UXT: variants seen among roughly 807,000 people sequenced by gnomAD.
UXT encodes the protein protein UXT.
For missense variants in UXT, 111 were observed against 132.7 expected, an observed-to-expected ratio of 0.84 and a Z score of 0.80; for synonymous variants, 54 against 52.8, an observed-to-expected ratio of 1.02 and a Z score of -0.10.
intron 4 of UXT, among the ~76,000 whole-genome samples, chrX:47,655,235 G>T (rs2058080048): frequency 8.9e-6 from 1 of 112,250 alleles, no homozygotes; most frequent in African/African-American, 3.2e-5. Context: ...AGCCAAGATC[G>T]CACCACTGCA....
In UXT at chrX:47,657,907, T is replaced by G. The variant is rs192345307; in HGVS notation, c.135-44A>C. On this transcript the variant is annotated intron_variant, in intron 1 of 5. Coordinates refer to ENST00000335890, the MANE Select transcript of UXT (RefSeq NM_153477.3). ...AATGGTGACCAATAGGCAGCCCCAT[T>G]CCTCCTAGTATACCTCATATCATGA... The G allele has an allele frequency of 2.9e-6, 3 of 1,016,975 alleles. No individual in the cohort carries two copies. The African/African-American group carries it at 5.8e-5, about 20-fold the overall frequency. The allele number at this position is 1,016,975 out of a possible 1,213,427, so 83.8% of individuals were successfully genotyped here.
Position 47,657,859 on chromosome X carries a change from C to T in UXT, c.139G>A (p.Val47Met). Reference sequence around the variant, plus strand: ...TATACCTTGTCTCGATGGTCCAGCACCTTTCTGATGGGACGAAAGTACAAT... The same window carrying T: ...TATACCTTGTCTCGATGGTCCAGCATCTTTCTGATGGGACGAAAGTACAAT... Residue 47 changes from valine to methionine, a missense_variant, in exon 2 of 6, where the codon GTG becomes ATG. Transcript: ENST00000335890. The T allele has an allele frequency of 8.8e-7, 1 of 1,139,825 alleles. No homozygotes were observed. Among genetic ancestry groups the T allele is most frequent in the Non-Finnish European group, 1.2e-6 (1 of 861,413 alleles). 93.9% of individuals were successfully genotyped at this position (1,139,825 alleles called of 1,213,427 possible).
At chrX:47,652,270 C>T (rs1396473614) in intron 4 of UXT, 126 bp from the exon 6 acceptor site, 1 of 643,977 alleles carries the variant, frequency 1.6e-6, no homozygotes, top group African/African-American at 2.2e-5. Flanking sequence ...GTGGAAATGC[C>T]AAGCCACCAT....
Position 47,657,287 on chromosome X carries a change from T to C in UXT, c.288A>G (p.Pro96=). 8.4e-7 allele frequency: 1 copy of C among 1,195,968 alleles called. No homozygotes were observed. Among genetic ancestry groups the C allele is most frequent in the East Asian group, 3.0e-5 (1 of 33,712 alleles). The stretch of plus-strand genomic sequence containing the variant: ...GGGCCACATAGATGCGTGAAGTATC[T>C]GGGCTGAGGAAAGAGAGGTTAGAGG... Residue 96 remains proline, a synonymous_variant, in exon 4 of 6, where the codon CCA becomes CCG. Transcript: ENST00000335890.
chrX:47,652,096 G>C lies in UXT; in HGVS notation c.441C>G (p.Ile147Met). The stretch of plus-strand genomic sequence containing the variant: ...CTGCTCTCACCTCTAGCAACATGTG[G>C]ATATGGGCTTTGATATTCATGGAGT... Residue 147 changes from isoleucine (I) to methionine (M), a missense_variant, in exon 5 of 6, where the codon ATC becomes ATG. By Grantham distance (10) the Ile-to-Met change is conservative. Coordinates refer to ENST00000335890, the MANE Select transcript of UXT (RefSeq NM_153477.3). 3 of 1,209,673 alleles carry C rather than the reference G, an allele frequency of 2.5e-6. No homozygotes were observed. The highest frequency in any genetic ancestry group is 3.4e-6 in the Non-Finnish European group (3 of 894,418).
chrX:47,652,217 A>G, intron 4 of UXT, 73 bp from the exon 6 acceptor site: 1 of 946,191 alleles, frequency 1.1e-6, no homozygotes, highest in Non-Finnish European at 1.5e-6. Flanking sequence ...TCACTTCAAG[A>G]TCTACTTATA....
chrX:47,652,427 A>G (rs919476448), intron 4 of UXT, among the ~76,000 whole-genome samples: 2 of 112,761 alleles, frequency 1.8e-5, no homozygotes, highest in Admixed American at 9.4e-5. Flanking sequence ...CAAAAAACCA[A>G]TGGAATAAAA....
rs752625634 is a variant in UXT, at chrX:47,657,539, C to T, written c.284+33G>A. On this transcript the variant is annotated intron_variant, in intron 3 of 5. Transcript: ENST00000335890. ...GCATGAGGGAAGGGGTAAGCTGAACCCTGTGGGCTCAGAGGGGCGGGTAGA... is the reference window on the plus strand; with the variant it reads ...GCATGAGGGAAGGGGTAAGCTGAACTCTGTGGGCTCAGAGGGGCGGGTAGA... The T allele has an allele frequency of 2.9e-5, 35 of 1,193,557 alleles. No individual in the cohort carries two copies. The South Asian group carries it at 4.0e-4, about 14-fold the overall frequency.
chrX:47,654,161 A>G (rs2058076551), intron 4 of UXT: 2 of 641,875 alleles, frequency 3.1e-6, no homozygotes, highest in Non-Finnish European at 3.7e-6. Flanking sequence ...GAAGCAAATT[A>G]CTACTGATTT....
At chrX:47,653,953 A>G (rs2058075897) in intron 4 of UXT, 4 of 275,810 alleles carry the variant, frequency 1.5e-5, no homozygotes, top group Middle Eastern at 2.1e-3. Context: ...GAACAGAAGA[A>G]TGAACCTGAT....
chrX:47,652,353 A>C (rs1285394893), intron 4 of UXT, among the ~76,000 whole-genome samples: 1 of 112,573 alleles, frequency 8.9e-6, no homozygotes, highest in African/African-American at 3.2e-5. Flanking sequence ...GGGAGATAGC[A>C]GCAAACACAA....
rs931248074 is a variant in UXT at position 47,658,938 on chromosome X, T to G, written c.26A>C (p.Gln9Pro). Reference sequence around the variant, plus strand: ...AGGGGGCGTCGCCATGATGGGCTCCTGGGGAGTGGGGAGGGGGAAGACCAT... The same window carrying G: ...AGGGGGCGTCGCCATGATGGGCTCCGGGGGAGTGGGGAGGGGGAAGACCAT... Residue 9 changes from glutamine (Q) to proline (P), a missense_variant, in exon 1 of 6, where the codon CAG becomes CCG. Coordinates refer to ENST00000335890, the MANE Select transcript of UXT (RefSeq NM_153477.3). 1 of 1,205,859 alleles carries G rather than the reference T, an allele frequency of 8.3e-7. No individual in the cohort carries two copies. Among genetic ancestry groups the G allele is most frequent in the African/African-American group, 1.7e-5 (1 of 57,458 alleles).
chrX:47,655,792 C>G (rs2058081607), intron 4 of UXT, among the ~76,000 whole-genome samples: 1 of 111,776 alleles, frequency 8.9e-6, no homozygotes, highest in Non-Finnish European at 1.9e-5. Flanking sequence ...AGCTACATTT[C>G]AAATCCCTCA....
Position 47,657,894 on chromosome X carries a change from T to C in UXT, c.135-31A>G, listed in dbSNP as rs558248621. ...GGGACGAAAGTACAATGGTGACCAA[T>C]AGGCAGCCCCATTCCTCCTAGTATA... On this transcript the variant is annotated intron_variant, in intron 1 of 5. Coordinates refer to ENST00000335890, the MANE Select transcript of UXT (RefSeq NM_153477.3). 8 of 1,070,457 alleles carry C rather than the reference T, an allele frequency of 7.5e-6. No homozygotes were observed. In the South Asian group the frequency reaches 1.5e-4, roughly 21 times the overall value. 88.2% of individuals were successfully genotyped at this position (1,070,457 alleles called of 1,213,427 possible).
intron 4 of UXT, chrX:47,653,999 G>T (rs2058076004): frequency 1.6e-6 from 1 of 630,373 alleles, no homozygotes; most frequent in Admixed American, 8.9e-5. Flanking sequence ...TCAAAAAAGA[G>T]AACAAAATTA....
intron 4 of UXT, among the ~76,000 whole-genome samples, chrX:47,654,268 G>A (rs759512427): frequency 8.5e-5 from 9 of 105,506 alleles, no homozygotes; most frequent in South Asian, 8.9e-4. Flanking sequence ...GTGCAGTGGC[G>A]TGATCTCGGC....
At chrX:47,654,187 G>T in intron 4 of UXT, 6 of 436,530 alleles carry the variant, frequency 1.4e-5, no homozygotes, top group Non-Finnish European at 1.4e-5. Context: ...GTAAGGCAGT[G>T]TGAATAGTCA....
rs1428363167 is a variant in UXT at position 47,659,170 on chromosome X, G to T, written c.-207C>A. ...AGGAACCGCGGCTTCCGGGTGGCGC[G>T]GGTGAATGACGTAAGTGGCAAGCGC... On this transcript the variant is annotated 5_prime_UTR_variant, in exon 1 of 6. Transcript: ENST00000335890. 8 of 573,385 alleles carry T rather than the reference G, an allele frequency of 1.4e-5. 1 individual carries two copies. The highest frequency in any genetic ancestry group is 1.7e-5 in the Non-Finnish European group (6 of 345,235). The allele number at this position is 573,385 out of a possible 1,213,427, so 47.3% of individuals were successfully genotyped here.
At chrX:47,658,509 G>A (rs376747971) in intron 1 of UXT, among the ~76,000 whole-genome samples, 1 of 112,151 alleles carries the variant, frequency 8.9e-6, no homozygotes, top group African/African-American at 3.2e-5. Context: ...AGTTTATAGG[G>A]CACAGAAAGG....
Sources: allele counts gnomAD v4.1 joint callset (sites outside exome capture counted in the v4.1 genomes callset), GRCh38; gene constraint gnomAD v4.1.1; transcripts MANE v1.5; gene names NCBI Gene and HGNC (gene_info 2026-07-23, HGNC 2026-07-21).